FOXP1: variants seen among roughly 807,000 people sequenced by gnomAD.
FOXP1 encodes forkhead box P1.
In FOXP1, 15 loss-of-function variants were observed where a neutral mutation model predicts 98.2. The ratio of observed to expected loss-of-function variants is 0.15; its 90% CI spans 0.10 to 0.24. The LOEUF is 0.24. Among genes scored for constraint, FOXP1 ranks in the 10% least tolerant of loss-of-function variants. FOXP1 has a pLI of 1.00. For synonymous variants in FOXP1, 371 were observed against 314.5 expected (o/e 1.18, Z -1.90); for missense variants, 633 against 848.5 (o/e 0.75, Z 3.15).
intron 6 of FOXP1, among the ~76,000 whole-genome samples, chr3:71,148,593 T>C (rs1338959485): frequency 1.3e-5 from 2 of 152,166 alleles, no homozygotes; most frequent in Non-Finnish European, 2.9e-5. Flanking sequence ...GCAAAGTAAT[T>C]TAAATGCATT....
chr3:71,015,246 T>TA (rs1559724738), intron 12 of FOXP1, among the ~76,000 whole-genome samples: 1 of 152,132 alleles, frequency 6.6e-6, no homozygotes, highest in African/African-American at 2.4e-5. Context: ...AAGTAAACGC[T>TA]AAAAAACTGC....
At chr3:71,064,686 T>G in intron 7 of FOXP1, 1 of 520,608 alleles carries the variant, frequency 1.9e-6, no homozygotes, top group Non-Finnish European at 2.5e-6. Context: ...ACAGCGAGGA[T>G]GAGGATGATT....
In FOXP1 at chr3:70,958,737, C is replaced by CAAA. The variant is rs10633687; in HGVS notation, c.*507_*509dup. On this transcript the variant is annotated 3_prime_UTR_variant, in exon 21 of 21. Coordinates refer to ENST00000649528, the MANE Select transcript of FOXP1 (RefSeq NM_001349338.3). ...AGGCCTTCCCCATCCCAACTGGAAG[C>CAAA]AAAAAAAAAAAAAAAAAAAAAAAAA... 50 of 24,054 alleles carry CAAA rather than the reference C, an allele frequency of 2.1e-3. 3 individuals carry two copies. The highest frequency in any genetic ancestry group is 4.1e-3 in the African/African-American group (26 of 6,308). 1.5% of individuals were successfully genotyped at this position (24,054 alleles called of 1,614,324 possible).
intron 5 of FOXP1, among the ~76,000 whole-genome samples, chr3:71,271,555 CA>C (rs1302966620): frequency 6.6e-6 from 1 of 151,972 alleles, no homozygotes; most frequent in Non-Finnish European, 1.5e-5. Flanking sequence ...CAGAGCTGGC[CA>C]AAAAAGTACT....
At chr3:71,488,177 A>T (rs2090803639) in intron 3 of FOXP1, among the ~76,000 whole-genome samples, 1 of 152,212 alleles carries the variant, frequency 6.6e-6, no homozygotes, top group African/African-American at 2.4e-5. Flanking sequence ...ACACTATATA[A>T]ATTTATCTCA....
At chr3:71,524,329 C>G (rs1182567522) in intron 2 of FOXP1, among the ~76,000 whole-genome samples, 1 of 152,012 alleles carries the variant, frequency 6.6e-6, no homozygotes, top group African/African-American at 2.4e-5. Context: ...AGCTACTGCA[C>G]TCCAACGTGG....
At chr3:71,177,744 A>G in intron 6 of FOXP1, among the ~76,000 whole-genome samples, 1 of 152,062 alleles carries the variant, frequency 6.6e-6, no homozygotes, top group Non-Finnish European at 1.5e-5. Flanking sequence ...GAGTATGGAG[A>G]GCAGAGGCTT....
intron 6 of FOXP1, among the ~76,000 whole-genome samples, chr3:71,185,168 G>A (rs1418359780): frequency 2.0e-5 from 3 of 152,112 alleles, no homozygotes; most frequent in Non-Finnish European, 2.9e-5. Context: ...ACTCTAGACT[G>A]GATGACAGAC....
intron 7 of FOXP1, among the ~76,000 whole-genome samples, chr3:71,064,508 C>T (rs2052070851): frequency 6.6e-6 from 1 of 152,034 alleles, no homozygotes; most frequent in Non-Finnish European, 1.5e-5. Context: ...CTCAACTACA[C>T]CCCACCCATG....
At chr3:70,998,281 T>C (rs1191032071) in intron 13 of FOXP1, among the ~76,000 whole-genome samples, 1 of 152,214 alleles carries the variant, frequency 6.6e-6, no homozygotes, top group Non-Finnish European at 1.5e-5. Flanking sequence ...TGAATGGGCA[T>C]GAGTATGGCT....
At chr3:71,065,003 A>G (rs2052230218) in intron 7 of FOXP1, 1 of 126,622 alleles carries the variant, frequency 7.9e-6, no homozygotes, top group African/African-American at 2.9e-5. Flanking sequence ...TGCTCCACCA[A>G]TCACAACCCG....
chr3:71,350,024 A>G (rs754769740), intron 4 of FOXP1, among the ~76,000 whole-genome samples: 13 of 152,356 alleles, frequency 8.5e-5, no homozygotes, highest in South Asian at 6.2e-4. Context: ...AGTTTTTCCC[A>G]AGAAGGTTTC....
chr3:71,311,260 T>C (rs987846818), intron 4 of FOXP1, among the ~76,000 whole-genome samples: 1 of 152,100 alleles, frequency 6.6e-6, no homozygotes, highest in Non-Finnish European at 1.5e-5. Context: ...CACTAGTTTT[T>C]TCAATTTTTT....
At chr3:71,390,564 T>C (rs1044289673) in intron 3 of FOXP1, among the ~76,000 whole-genome samples, 12 of 128,440 alleles carry the variant, frequency 9.3e-5, no homozygotes, top group Admixed American at 9.0e-4. Flanking sequence ...AGTAAGGATG[T>C]GTGTGTGTGT....
intron 5 of FOXP1, among the ~76,000 whole-genome samples, chr3:71,267,437 C>T (rs1433862539): frequency 2.0e-5 from 3 of 152,088 alleles, no homozygotes; most frequent in African/African-American, 7.2e-5. Context: ...AGACAAGAGT[C>T]ATGTCCTTGA....
chr3:71,510,711 G>A (rs1369178906), intron 2 of FOXP1, among the ~76,000 whole-genome samples: 1 of 152,136 alleles, frequency 6.6e-6, no homozygotes, highest in Non-Finnish European at 1.5e-5. Context: ...CTGTCCAATC[G>A]AGTCAGCAGA....
chr3:71,424,068 T>C (rs1175164950), intron 3 of FOXP1, among the ~76,000 whole-genome samples: 2 of 152,202 alleles, frequency 1.3e-5, no homozygotes, highest in Non-Finnish European at 2.9e-5. Flanking sequence ...CGCTGGATTA[T>C]AGGCCCAAGC....
chr3:71,227,413 C>T (rs1270421308), intron 5 of FOXP1, among the ~76,000 whole-genome samples: 4 of 152,078 alleles, frequency 2.6e-5, no homozygotes, highest in Admixed American at 2.6e-4. Flanking sequence ...GCCAAAGAAA[C>T]CCCCCAGAAA....
chr3:71,547,488 G>A (rs958603372), intron 2 of FOXP1, among the ~76,000 whole-genome samples: 4 of 152,164 alleles, frequency 2.6e-5, no homozygotes, highest in East Asian at 1.9e-4. Context: ...TTTGGGCCCC[G>A]TTTGACCTCT....
Sources: allele counts gnomAD v4.1 joint callset (sites outside exome capture counted in the v4.1 genomes callset), GRCh38; gene constraint gnomAD v4.1.1; transcripts MANE v1.5; gene names NCBI Gene and HGNC (gene_info 2026-07-23, HGNC 2026-07-21).